The following FBXO36 variants were observed in gnomAD, a reference collection of about 807,000 sequenced individuals.
The protein encoded by FBXO36 is F-box only protein 36.
In FBXO36, 18 loss-of-function variants were observed where a neutral mutation model predicts 17.0. That is an observed-to-expected ratio of 1.06 (90% CI 0.73 to 1.57). The LOEUF (loss-of-function observed/expected upper bound fraction) is 1.57, where lower values mean the gene tolerates loss of function less well. Ranked by LOEUF, FBXO36 falls within the 40% of genes most tolerant of loss-of-function variation. FBXO36 has a pLI of 0.00. For synonymous variants in FBXO36, 83 were observed against 85.3 expected, an observed-to-expected ratio of 0.97 and a Z score of 0.15; for missense variants, 229 against 221.9, an observed-to-expected ratio of 1.03 and a Z score of -0.20.
At chr2:229,997,568 ACT>A (rs779849234) in intron 3 of FBXO36, among the ~76,000 whole-genome samples, 3 of 147,384 alleles carry the variant, frequency 2.0e-5, no homozygotes, top group Admixed American at 6.8e-5. Context: ...ACAGAGCGAG[ACT>A]CTGACTCAAA....
At chr2:229,981,116 T>C (rs1215381184) in intron 2 of FBXO36, among the ~76,000 whole-genome samples, 2 of 152,114 alleles carry the variant, frequency 1.3e-5, no homozygotes, top group East Asian at 3.9e-4. Context: ...AGCTGATTGC[T>C]CCTCCCCTCT....
intron 1 of FBXO36, among the ~76,000 whole-genome samples, chr2:229,974,945 C>G (rs186991522): frequency 3.9e-5 from 6 of 152,118 alleles, no homozygotes; most frequent in African/African-American, 1.4e-4. Flanking sequence ...TAGCCTTCAT[C>G]GAAATGCAGA....
At chr2:229,941,977 C>T (rs984980083) in intron 1 of FBXO36, among the ~76,000 whole-genome samples, 7 of 152,030 alleles carry the variant, frequency 4.6e-5, no homozygotes, top group African/African-American at 1.7e-4. Context: ...GATTATGCCA[C>T]TGCACTCCAG....
At chr2:229,968,183 A>G (rs1056333148) in intron 1 of FBXO36, among the ~76,000 whole-genome samples, 2 of 151,004 alleles carry the variant, frequency 1.3e-5, no homozygotes, top group Non-Finnish European at 3.0e-5. Context: ...AATTATTTAT[A>G]TTTAATTAGT....
intron 2 of FBXO36, among the ~76,000 whole-genome samples, chr2:229,996,229 G>A (rs985402255): frequency 3.3e-5 from 5 of 151,432 alleles, no homozygotes; most frequent in African/African-American, 9.7e-5. Context: ...AGTGAGCCGC[G>A]ATTGCACCAC....
chr2:230,001,793 T>A (rs993264645), intron 3 of FBXO36, among the ~76,000 whole-genome samples: 1 of 151,994 alleles, frequency 6.6e-6, no homozygotes, highest in African/African-American at 2.4e-5. Flanking sequence ...TTCACTTATT[T>A]CCTTTCTCTT....
At chr2:229,971,546 T>C (rs896500011) in intron 1 of FBXO36, among the ~76,000 whole-genome samples, 5 of 152,052 alleles carry the variant, frequency 3.3e-5, no homozygotes, top group Non-Finnish European at 7.4e-5. Context: ...CTAGAGCTAC[T>C]GATGAGGCCT....
intron 3 of FBXO36, among the ~76,000 whole-genome samples, chr2:230,000,355 C>CAAAAAA (rs3086348): frequency 5.2e-5 from 4 of 77,462 alleles, no homozygotes; most frequent in Admixed American, 1.6e-4. Flanking sequence ...GAGACTGTCT[C>CAAAAAA]AAAAAAAAAA....
intron 1 of FBXO36, among the ~76,000 whole-genome samples, chr2:229,945,859 C>G (rs1016838199): frequency 6.6e-6 from 1 of 151,314 alleles, no homozygotes; most frequent in African/African-American, 2.4e-5. Context: ...CCTGTCTCTA[C>G]GAAAAATACA....
intron 1 of FBXO36, among the ~76,000 whole-genome samples, chr2:229,960,904 T>C (rs2077117240): frequency 6.6e-6 from 1 of 151,958 alleles, no homozygotes; most frequent in African/African-American, 2.4e-5. Context: ...AGGTCAGGAG[T>C]TCGAGACCAG....
In FBXO36 at chr2:230,010,907, G is replaced by T; in HGVS notation, c.*23G>T. On this transcript the variant is annotated 3_prime_UTR_variant, in exon 4 of 4. Coordinates refer to ENST00000283946, the MANE Select transcript of FBXO36 (RefSeq NM_174899.5). ...TAGGCACACATTTTCCTACCAGCAG[G>T]GAGCTCAGGCATGGCTGTGTTTCTC... 1 of 1,583,140 alleles carries T rather than the reference G, an allele frequency of 6.3e-7. No individual in the cohort carries two copies. Among genetic ancestry groups the T allele is most frequent in the East Asian group, 2.3e-5 (1 of 43,582 alleles).
intron 1 of FBXO36, among the ~76,000 whole-genome samples, chr2:229,935,563 G>T (rs1485671117): frequency 1.3e-5 from 2 of 152,018 alleles, no homozygotes; most frequent in African/African-American, 4.8e-5. Flanking sequence ...GCTAGGGAGA[G>T]TATTAACACA....
Position 229,996,762 on chromosome 2 carries a change from T to G in FBXO36, c.217T>G (p.Leu73Val), listed in dbSNP as rs201098656. The G allele has an allele frequency of 1.1e-5, 17 of 1,609,650 alleles. No individual in the cohort carries two copies. The South Asian group carries it at 1.8e-4, about 17-fold the overall frequency. The part of the protein sequence containing the change: ...ENSHLQGQTA[L>V]IFGARILDYV... ...TCTTTGAATTACAGGTCAAACTGCC[T>G]TAATATTTGGTGCAAGAATATTAGA... The change falls in exon 3 of 4, where the codon TTA becomes GTA. Residue 73 changes from leucine to valine, a missense_variant. Transcript: ENST00000283946.
intron 1 of FBXO36, among the ~76,000 whole-genome samples, chr2:229,958,385 G>A (rs748578724): frequency 4.7e-5 from 7 of 149,304 alleles, no homozygotes; most frequent in Middle Eastern, 3.4e-3. Flanking sequence ...ATTTTCCTGC[G>A]TCAGCCTCCC....
At chr2:229,932,109 G>A (rs975105756) in intron 1 of FBXO36, among the ~76,000 whole-genome samples, 2 of 151,734 alleles carry the variant, frequency 1.3e-5, no homozygotes, top group Non-Finnish European at 2.9e-5. Flanking sequence ...TAGGCTGGGC[G>A]CAGTAGTCAC....
At chr2:229,968,413 C>T (rs947445837) in intron 1 of FBXO36, among the ~76,000 whole-genome samples, 3 of 152,114 alleles carry the variant, frequency 2.0e-5, no homozygotes, top group Non-Finnish European at 4.4e-5. Context: ...CTTAAACTGT[C>T]TTAAACATAT....
intron 3 of FBXO36, among the ~76,000 whole-genome samples, chr2:229,998,340 T>G (rs1299141950): frequency 6.6e-6 from 1 of 151,826 alleles, no homozygotes; most frequent in Non-Finnish European, 1.5e-5. Flanking sequence ...CTGAGTGTTA[T>G]GGCCGGGCGC....
chr2:229,965,121 T>C (rs979761107), intron 1 of FBXO36, among the ~76,000 whole-genome samples: 1 of 150,726 alleles, frequency 6.6e-6, no homozygotes, highest in Non-Finnish European at 1.5e-5. Flanking sequence ...GATTTTTTAA[T>C]ACGCAGACCC....
At chr2:229,939,610 C>CA (rs1360445023) in intron 1 of FBXO36, among the ~76,000 whole-genome samples, 1 of 151,622 alleles carries the variant, frequency 6.6e-6, no homozygotes, top group Non-Finnish European at 1.5e-5. Context: ...GATTCTGCCT[C>CA]AAAAAAAGAG....
Sources: gnomAD v4.1 joint callset for allele counts (sites outside exome capture counted in the v4.1 genomes callset) on GRCh38, gnomAD v4.1.1 for gene constraint, MANE v1.5 for transcripts, NCBI Gene and HGNC (gene_info 2026-07-23, HGNC 2026-07-21) for gene names.